Variants in IFT122 observed in about 807,000 individuals in gnomAD.
IFT122 encodes the protein intraflagellar transport 122, also known as intraflagellar transport protein 122 homolog.
In IFT122, 118 loss-of-function variants were observed where a neutral mutation model predicts 161.6. That is an observed-to-expected ratio of 0.73 (90% CI 0.63 to 0.85). IFT122 has a LOEUF of 0.85. IFT122 is among the 40% of genes least tolerant of loss of function. The pLI, the probability that IFT122 is intolerant of heterozygous loss-of-function variation, is 0.00. For synonymous variants in IFT122, 550 were observed against 602.4 expected (o/e 0.91, Z 1.27); for missense variants, 1,381 against 1,579.6 (o/e 0.87, Z 2.13).
chr3:129,486,643 A>G (rs1358814401), intron 15 of IFT122, among the ~76,000 whole-genome samples: 1 of 152,176 alleles, frequency 6.6e-6, no homozygotes, highest in African/African-American at 2.4e-5. Context: ...ACAAAGGGAA[A>G]GGTGGGGGTA....
At chr3:129,457,024 A>C (rs2108003469) in intron 3 of IFT122, among the ~76,000 whole-genome samples, 1 of 152,362 alleles carries the variant, frequency 6.6e-6, no homozygotes, top group Non-Finnish European at 1.5e-5. Context: ...CTCAGAGAAC[A>C]GTGACTTGCC....
chr3:129,493,571 G>A (rs2080416521), intron 17 of IFT122, among the ~76,000 whole-genome samples: 1 of 152,170 alleles, frequency 6.6e-6, no homozygotes, highest in African/African-American at 2.4e-5. Context: ...AAACTTGGTG[G>A]AATTCAAGCC....
At chr3:129,500,663 A>G (rs943475633) in intron 19 of IFT122, among the ~76,000 whole-genome samples, 1 of 152,206 alleles carries the variant, frequency 6.6e-6, no homozygotes. Flanking sequence ...GTAAATAGAG[A>G]TGGCGGGAAA....
intron 1 of IFT122, among the ~76,000 whole-genome samples, chr3:129,443,618 T>C (rs905616631): frequency 2.6e-5 from 4 of 152,230 alleles, no homozygotes; most frequent in African/African-American, 9.7e-5. Flanking sequence ...GCACTGTGGG[T>C]CCACAAATAT....
chr3:129,458,637 A>C lies in IFT122; in HGVS notation c.232A>C (p.Ile78Leu). The C allele has an allele frequency of 6.2e-7, 1 of 1,614,138 alleles. No homozygotes were observed. The highest frequency in any genetic ancestry group is 1.1e-5 in the South Asian group (1 of 91,078). The change falls in exon 4 of 30, where the codon ATT becomes CTT. Residue 78 changes from isoleucine to leucine, a missense_variant. Transcript: ENST00000348417. ...TTCTGGATCAGCTGACAAAAGCGTT[A>C]TTATCTGGACATCAAAACTGGAAGG... ...FASGSADKSVIIWTSKLEGIL... is the reference protein window; with the variant it reads ...FASGSADKSVLIWTSKLEGIL...
intron 7 of IFT122, among the ~76,000 whole-genome samples, chr3:129,465,465 C>G (rs1400518526): frequency 9.9e-6 from 1 of 101,244 alleles, no homozygotes; most frequent in Non-Finnish European, 1.8e-5. Flanking sequence ...ATTATATGCT[C>G]TTTTTTTTTT....
intron 8 of IFT122, among the ~76,000 whole-genome samples, chr3:129,467,281 T>G (rs546977982): frequency 2.0e-5 from 3 of 150,388 alleles, no homozygotes; most frequent in African/African-American, 7.4e-5. Flanking sequence ...CTGAAAAGAC[T>G]AAAGGAGAAA....
At position 129,494,881 on chromosome 3, in the gene IFT122, C is replaced by T. The variant is rs560277091; in HGVS notation, c.2047-565C>T. Among the ~76,000 whole-genome samples the T allele has an allele frequency of 1.3e-5, 2 of 152,268 alleles. 1 individual carries two copies. The highest frequency in any genetic ancestry group is 4.2e-4 in the South Asian group (2 of 4,814). Reference sequence around the variant, plus strand: ...GGGTAGTGAGACCTACCCTGAGGGTCACTGAGAGGAATAAAGGGGCCATGT... The same window carrying T: ...GGGTAGTGAGACCTACCCTGAGGGTTACTGAGAGGAATAAAGGGGCCATGT... On this transcript the variant is annotated intron_variant, in intron 17 of 29. Coordinates refer to ENST00000348417, the MANE Select transcript of IFT122 (RefSeq NM_052989.3).
chr3:129,462,607 A>G (rs2076311306), intron 5 of IFT122, among the ~76,000 whole-genome samples: 1 of 152,260 alleles, frequency 6.6e-6, no homozygotes, highest in African/African-American at 2.4e-5. Context: ...AGTGGAACAC[A>G]GATAACATGT....
intron 18 of IFT122, among the ~76,000 whole-genome samples, chr3:129,498,255 GTGGTCACCCC>G (rs1208293545): frequency 1.3e-5 from 2 of 152,190 alleles, no homozygotes; most frequent in African/African-American, 4.8e-5. Context: ...CACCCTTGCC[GTGGTCACCCC>G]TGGTCCCCTG....
chr3:129,490,078 G>A (rs1211499142), intron 16 of IFT122, among the ~76,000 whole-genome samples: 1 of 152,070 alleles, frequency 6.6e-6, no homozygotes, highest in South Asian at 2.1e-4. Flanking sequence ...GCCCAGGCAG[G>A]TCTTGAACTC....
At chr3:129,510,385 C>A (rs1578107043) in intron 23 of IFT122, among the ~76,000 whole-genome samples, 1 of 152,182 alleles carries the variant, frequency 6.6e-6, no homozygotes, top group South Asian at 2.1e-4. Flanking sequence ...TCTAGTGTTA[C>A]ATCTCTTCCC....
rs756819112 is a variant in IFT122, at chr3:129,519,776, C to T, written c.3636+44C>T. On this transcript the variant is annotated intron_variant, in intron 29 of 29. Coordinates refer to ENST00000348417, the MANE Select transcript of IFT122 (RefSeq NM_052989.3). Reference sequence around the variant, plus strand: ...AGCTCACATGTGCTTCTCTTGGCCACTTTTCCCTTGCCCAAATGTCCCTCT... The same window carrying T: ...AGCTCACATGTGCTTCTCTTGGCCATTTTTCCCTTGCCCAAATGTCCCTCT... 6.6e-5 allele frequency: 106 copies of T among 1,609,464 alleles called. 1 individual carries two copies. The South Asian group carries it at 1.1e-3, about 17-fold the overall frequency.
intron 26 of IFT122, among the ~76,000 whole-genome samples, 168 bp from the exon 27 acceptor site, chr3:129,517,301 C>CACACACACAG (rs1418736660): frequency 3.2e-5 from 4 of 125,370 alleles, no homozygotes; most frequent in African/African-American, 1.2e-4. Flanking sequence ...CACACACACA[C>CACACACACAG]AGAGACTGCT....
At position 129,458,588 on chromosome 3, in the gene IFT122, AAC is replaced by A; in HGVS notation, c.194-8_194-7del. On this transcript the variant is annotated splice_polypyrimidine_tract_variant and intron_variant, in intron 3 of 29. Transcript: ENST00000348417. ...TAAATGTAAGACTTTCCATTTTACAAACACTTTTAGGCAAGCGCTTTGCTTCT... is the reference window on the plus strand; with the variant it reads ...TAAATGTAAGACTTTCCATTTTACAAACTTTTAGGCAAGCGCTTTGCTTCT... 1.9e-6 allele frequency: 3 copies of A among 1,612,574 alleles called. No homozygotes were observed. Among genetic ancestry groups the A allele is most frequent in the Non-Finnish European group, 1.7e-6 (2 of 1,178,564 alleles).
intron 5 of IFT122, among the ~76,000 whole-genome samples, chr3:129,462,303 A>T (rs186646153): frequency 1.1e-4 from 17 of 152,368 alleles, no homozygotes; most frequent in East Asian, 5.8e-4. Context: ...GATTAAAAAA[A>T]ATATAATATT....
chr3:129,481,707 A>T lies in IFT122; in HGVS notation c.1653+13A>T. 5 of 1,613,284 alleles carry T rather than the reference A, an allele frequency of 3.1e-6. No homozygotes were observed. Among genetic ancestry groups the T allele is most frequent in the Non-Finnish European group, 4.2e-6 (5 of 1,179,370 alleles). Reference sequence around the variant, plus strand: ...GCTGCTTTTTCAGGTGAAGTCCCTGAGGGGGCCCAGGGACATCATCCTTTG... The same window carrying T: ...GCTGCTTTTTCAGGTGAAGTCCCTGTGGGGGCCCAGGGACATCATCCTTTG... On this transcript the variant is annotated intron_variant, in intron 14 of 29. Transcript: ENST00000348417.
chr3:129,476,505 T>C lies in IFT122; in HGVS notation c.1007T>C (p.Val336Ala). Residue 336 changes from valine (V) to alanine (A), a missense_variant and splice_region_variant, in exon 10 of 30, where the codon GTG (valine) becomes GCG (alanine). Transcript: ENST00000348417. ...TCQAKPDSNY[V>A]VVGCQDGTIS... Reference sequence around the variant, plus strand: ...CAAGCGAAACCGGATTCCAACTATGTGGTAAGAAGAGAAAGTTTGTTCTGT... The same window carrying C: ...CAAGCGAAACCGGATTCCAACTATGCGGTAAGAAGAGAAAGTTTGTTCTGT... The C allele has an allele frequency of 6.2e-7, 1 of 1,613,968 alleles. No homozygotes were observed. Among genetic ancestry groups the C allele is most frequent in the Non-Finnish European group, 8.5e-7 (1 of 1,179,982 alleles).
chr3:129,517,192 C>T (rs1274204299), intron 26 of IFT122, among the ~76,000 whole-genome samples: 4 of 143,490 alleles, frequency 2.8e-5, no homozygotes, highest in Admixed American at 1.4e-4. Context: ...AGAGACTGCC[C>T]CTACACACAC....
Sources: allele counts gnomAD v4.1 joint callset (sites outside exome capture counted in the v4.1 genomes callset), GRCh38; gene constraint gnomAD v4.1.1; transcripts MANE v1.5; gene names NCBI Gene and HGNC (gene_info 2026-07-23, HGNC 2026-07-21).